Variants in MAGI2 observed in about 807,000 individuals in gnomAD.
MAGI2 encodes membrane associated guanylate kinase, WW and PDZ domain containing 2.
In MAGI2, 35 loss-of-function variants were observed where a neutral mutation model predicts 133.3. The ratio of observed to expected loss-of-function variants is 0.26; its 90% CI spans 0.20 to 0.35. The LOEUF is 0.35. Among genes scored for constraint, MAGI2 ranks in the 10% least tolerant of loss-of-function variants. The probability of loss-of-function intolerance (pLI) is 1.00; values close to 1 mark genes in which losing one functional copy is unlikely to be tolerated. For missense variants in MAGI2, 1,636 were observed against 1,863.4 expected, an observed-to-expected ratio of 0.88 and a Z score of 2.25; for synonymous variants, 729 against 710.6, an observed-to-expected ratio of 1.03 and a Z score of -0.41.
intron 2 of MAGI2, among the ~76,000 whole-genome samples, chr7:78,803,744 A>C (rs35337883): frequency 0.014 from 2,177 of 152,358 alleles, 23 homozygotes; most frequent in Non-Finnish European, 0.021. Context: ...AATTCAACCC[A>C]AGTGAAAAAG....
At chr7:79,113,456 C>A (rs117608647) in intron 1 of MAGI2, among the ~76,000 whole-genome samples, 2 of 152,200 alleles carry the variant, frequency 1.3e-5, no homozygotes, top group East Asian at 1.9e-4. Context: ...CATGGAGAGA[C>A]CAGAAGGCAA....
At chr7:78,500,112 T>C (rs1473495796) in intron 5 of MAGI2, among the ~76,000 whole-genome samples, 3 of 152,196 alleles carry the variant, frequency 2.0e-5, no homozygotes, top group Admixed American at 6.5e-5. Flanking sequence ...TTCTCATCTA[T>C]GTTGGAGTCA....
intron 10 of MAGI2, among the ~76,000 whole-genome samples, chr7:78,217,862 G>A (rs1207693125): frequency 3.9e-5 from 6 of 152,214 alleles, no homozygotes. Flanking sequence ...CAGCAATAGT[G>A]ACCACTTGGT....
chr7:78,588,767 C>T (rs1170510127), intron 3 of MAGI2, among the ~76,000 whole-genome samples: 3 of 152,194 alleles, frequency 2.0e-5, no homozygotes, highest in Non-Finnish European at 4.4e-5. Context: ...TCCCAGTTGT[C>T]ACATTGTACT....
At chr7:78,995,111 A>T (rs185237176) in intron 2 of MAGI2, among the ~76,000 whole-genome samples, 1 of 152,222 alleles carries the variant, frequency 6.6e-6, no homozygotes, top group African/African-American at 2.4e-5. Flanking sequence ...TCCCTGGGCT[A>T]CATTGGAAGA....
chr7:78,627,814 G>A (rs924164651), intron 2 of MAGI2, among the ~76,000 whole-genome samples: 1 of 152,122 alleles, frequency 6.6e-6, no homozygotes, highest in Admixed American at 6.5e-5. Context: ...TAAATAATTA[G>A]AATTGTGTAA....
At chr7:78,200,200 A>G (rs1014662219) in intron 11 of MAGI2, among the ~76,000 whole-genome samples, 4 of 152,176 alleles carry the variant, frequency 2.6e-5, no homozygotes, top group Non-Finnish European at 4.4e-5. Context: ...GCTTTGCTGC[A>G]GCCTCTTCCA....
intron 1 of MAGI2, among the ~76,000 whole-genome samples, chr7:79,325,262 G>A (rs1839602180): frequency 6.6e-6 from 1 of 151,898 alleles, no homozygotes; most frequent in Non-Finnish European, 1.5e-5. Context: ...CATCTTACCA[G>A]TCCCTAAACA....
intron 6 of MAGI2, among the ~76,000 whole-genome samples, chr7:78,398,936 C>G (rs112794120): frequency 4.6e-5 from 7 of 152,254 alleles, no homozygotes; most frequent in African/African-American, 7.2e-5. Flanking sequence ...TGCAAATTTT[C>G]TTTGACAATG....
intron 2 of MAGI2, among the ~76,000 whole-genome samples, chr7:78,653,513 T>G (rs1811800365): frequency 1.3e-5 from 2 of 152,066 alleles, no homozygotes; most frequent in Non-Finnish European, 2.9e-5. Flanking sequence ...AAACCATCTT[T>G]CTCAGCAAAC....
At chr7:79,411,182 C>G (rs763096798) in intron 1 of MAGI2, 14 of 152,102 alleles carry the variant, frequency 9.2e-5, no homozygotes, top group Non-Finnish European at 1.8e-4. Context: ...AGCTTTTCAT[C>G]TTAACCTTCT....
chr7:78,989,541 A>G (rs1805560150), intron 2 of MAGI2, among the ~76,000 whole-genome samples: 1 of 152,064 alleles, frequency 6.6e-6, no homozygotes. Context: ...AGGATTCTAG[A>G]TTGAGAATAC....
chr7:78,211,063 G>A (rs1434618049), intron 10 of MAGI2, among the ~76,000 whole-genome samples: 2 of 152,200 alleles, frequency 1.3e-5, no homozygotes, highest in Admixed American at 6.5e-5. Context: ...AGGAACCTGA[G>A]TAGAGACAGT....
At chr7:79,202,256 T>C (rs922963012) in intron 1 of MAGI2, among the ~76,000 whole-genome samples, 3 of 151,942 alleles carry the variant, frequency 2.0e-5, no homozygotes, top group Non-Finnish European at 4.4e-5. Context: ...GGATTTTGAT[T>C]ATCTACCAAG....
chr7:78,164,456 G>T (rs1001345965), intron 15 of MAGI2, among the ~76,000 whole-genome samples: 2 of 152,230 alleles, frequency 1.3e-5, no homozygotes, highest in African/African-American at 4.8e-5. Context: ...GAAAATGTTA[G>T]GGGCTGGCCT....
intron 1 of MAGI2, among the ~76,000 whole-genome samples, chr7:79,225,175 C>A (rs552936725): frequency 6.6e-6 from 1 of 152,260 alleles, no homozygotes; most frequent in African/African-American, 2.4e-5. Flanking sequence ...TTTCCACCAC[C>A]TGTGCATACA....
At chr7:78,809,858 T>C (rs1287371868) in intron 2 of MAGI2, among the ~76,000 whole-genome samples, 1 of 152,194 alleles carries the variant, frequency 6.6e-6, no homozygotes, top group Non-Finnish European at 1.5e-5. Context: ...AATATGATTT[T>C]CAATCTAAAA....
At chr7:79,324,644 ATATATATATATTATATATATATAAAAT>A (rs1839512427) in intron 1 of MAGI2, among the ~76,000 whole-genome samples, 1 of 27,040 alleles carries the variant, frequency 3.7e-5, no homozygotes, top group African/African-American at 2.6e-4. Flanking sequence ...TATATATAAA[ATATATATATATTATATATATATAAAAT>A]ATATATATAT....
intron 2 of MAGI2, among the ~76,000 whole-genome samples, chr7:78,991,351 C>T (rs868366535): frequency 2.0e-5 from 3 of 151,738 alleles, no homozygotes; most frequent in South Asian, 2.1e-4. Context: ...CCTACATATA[C>T]ACATCATATT....
Sources: allele counts gnomAD v4.1 joint callset (sites outside exome capture counted in the v4.1 genomes callset), GRCh38; gene constraint gnomAD v4.1.1; transcripts MANE v1.5; gene names NCBI Gene and HGNC (gene_info 2026-07-23, HGNC 2026-07-21).